The following ZC3H3 variants were observed in gnomAD, a reference collection of about 807,000 sequenced individuals.
The protein encoded by ZC3H3 is zinc finger CCCH domain-containing protein 3.
Under a neutral mutation model 77.3 loss-of-function variants are expected in ZC3H3, and 36 were observed. The observed-to-expected ratio is 0.47, with a 90% confidence interval of 0.36 to 0.61. ZC3H3 has a LOEUF of 0.61. ZC3H3 is among the 20% of genes least tolerant of loss of function. ZC3H3 has a pLI of 0.00. For missense variants in ZC3H3, 1,331 were observed against 1,312.2 expected (o/e 1.01, Z -0.22); for synonymous variants, 626 against 555.2 (o/e 1.13, Z -1.79).
At chr8:143,439,129 C>T (rs1819657913) in intron 11 of ZC3H3, among the ~76,000 whole-genome samples, 2 of 151,518 alleles carry the variant, frequency 1.3e-5, no homozygotes, top group South Asian at 2.1e-4. Context: ...AAATACAAGT[C>T]GCTGCCTCGG....
chr8:143,501,924 C>T (rs904871073), intron 4 of ZC3H3, among the ~76,000 whole-genome samples: 1 of 152,278 alleles, frequency 6.6e-6, no homozygotes, highest in African/African-American at 2.4e-5. Flanking sequence ...GATGCTGAAG[C>T]CCTGACCCCA....
intron 5 of ZC3H3, among the ~76,000 whole-genome samples, chr8:143,472,646 A>G (rs1820602829): frequency 6.6e-6 from 1 of 152,072 alleles, no homozygotes; most frequent in South Asian, 2.1e-4. Context: ...GGGATGGGAG[A>G]GCTGGGATGG....
chr8:143,463,733 G>A (rs1820331054), intron 9 of ZC3H3, among the ~76,000 whole-genome samples: 1 of 152,206 alleles, frequency 6.6e-6, no homozygotes, highest in Non-Finnish European at 1.5e-5. Flanking sequence ...CTACTGGGGA[G>A]GACTCTGCGT....
In ZC3H3 at chr8:143,460,330, G is replaced by A. The variant is rs902890883; in HGVS notation, c.2307+5387C>T. 6.6e-6 allele frequency among the ~76,000 whole-genome samples: 1 copy of A among 152,028 alleles called. No individual in the cohort carries two copies. Among genetic ancestry groups the A allele is most frequent in the African/African-American group, 2.4e-5 (1 of 41,394 alleles). ...TGAAAAGGAAGAAGTAAAATTATCT[G>A]TTTGCTGATGACATGATCTTATATG... On this transcript the variant is annotated intron_variant, in intron 9 of 11. Coordinates refer to ENST00000262577, the MANE Select transcript of ZC3H3 (RefSeq NM_015117.3). The surrounding 1 kb of genome is among the most constrained non-coding windows in gnomAD (Gnocchi z 4.0).
rs1209199700 is a variant in ZC3H3, at chr8:143,494,636, G to A, written c.1715+13110C>T. Among the ~76,000 whole-genome samples the A allele has an allele frequency of 6.6e-6, 1 of 152,162 alleles. No individual in the cohort carries two copies. The highest frequency in any genetic ancestry group is 1.5e-5 in the Non-Finnish European group (1 of 68,030). On this transcript the variant is annotated intron_variant, in intron 4 of 11. Transcript: ENST00000262577. This position sits in a 1 kb window ranked among gnomAD's most constrained non-coding sequence, Gnocchi z 5.3. The stretch of plus-strand genomic sequence containing the variant: ...GGAAGCGGCAGGTCGGGGGAGGGGG[G>A]TGCTGTGGGCAGACACACGAGGGGA...
chr8:143,478,915 A>G (rs1423057899), intron 4 of ZC3H3, among the ~76,000 whole-genome samples: 1 of 152,202 alleles, frequency 6.6e-6, no homozygotes, highest in African/African-American at 2.4e-5. Flanking sequence ...AGAGGACATT[A>G]GAGGATCTGG....
At chr8:143,463,635 CG>C (rs1385446913) in intron 9 of ZC3H3, among the ~76,000 whole-genome samples, 1 of 152,202 alleles carries the variant, frequency 6.6e-6, no homozygotes, top group Non-Finnish European at 1.5e-5. Flanking sequence ...CCCAGCAAGA[CG>C]TATCAGCCGG....
At position 143,437,894 on chromosome 8, in the gene ZC3H3, GTCATGGA is replaced by G; in HGVS notation, c.*155_*161del. The G allele has an allele frequency of 1.0e-6, 1 of 983,870 alleles. No individual in the cohort carries two copies. Among genetic ancestry groups the G allele is most frequent in the Non-Finnish European group, 1.5e-6 (1 of 649,316 alleles). The allele number at this position is 983,870 out of a possible 1,614,324, so 60.9% of individuals were successfully genotyped here. A position where few individuals can be genotyped will look rare whatever the true frequency, so the allele number is the denominator to read the frequency against. The stretch of plus-strand genomic sequence containing the variant: ...AAGACCAGGCCCTGCGCACACGCTG[GTCATGGA>G]AGGTTGAGGGCCAGGCAGGCAGAGC... On this transcript the variant is annotated 3_prime_UTR_variant, in exon 12 of 12. Transcript: ENST00000262577.
chr8:143,536,982 GCCT>G (rs1822820792), intron 2 of ZC3H3, among the ~76,000 whole-genome samples: 1 of 151,662 alleles, frequency 6.6e-6, no homozygotes, highest in Non-Finnish European at 1.5e-5. Context: ...GTGCCCATGC[GCCT>G]CAACACGGCA....
chr8:143,468,667 GGA>G lies in ZC3H3; in HGVS notation c.1904-10_1904-9del. ...CTGCAGGATCCAGCCGGCCTGTGGG[GGA>G]GAGAGGCACGGGTCATAGCAGGCCA... On this transcript the variant is annotated splice_polypyrimidine_tract_variant and intron_variant, in intron 5 of 11. Transcript: ENST00000262577. The G allele has an allele frequency of 1.9e-6, 3 of 1,549,118 alleles. No individual in the cohort carries two copies. The highest frequency in any genetic ancestry group is 2.6e-6 in the Non-Finnish European group (3 of 1,146,770).
intron 3 of ZC3H3, among the ~76,000 whole-genome samples, chr8:143,513,017 G>T (rs1324163616): frequency 6.6e-6 from 1 of 152,108 alleles, no homozygotes; most frequent in Non-Finnish European, 1.5e-5. Flanking sequence ...GGCTGCAAGA[G>T]GCGGGGACAG....
At chr8:143,469,861 T>C (rs370195200) in intron 5 of ZC3H3, among the ~76,000 whole-genome samples, 1 of 152,306 alleles carries the variant, frequency 6.6e-6, no homozygotes, top group African/African-American at 2.4e-5. Flanking sequence ...AGATCCAATT[T>C]CCTACAGGGC....
At chr8:143,439,342 G>A (rs1288730449) in intron 11 of ZC3H3, among the ~76,000 whole-genome samples, 2 of 152,174 alleles carry the variant, frequency 1.3e-5, no homozygotes, top group Admixed American at 6.5e-5. Context: ...TTCCATTAAC[G>A]TTACGACCGT....
intron 9 of ZC3H3, among the ~76,000 whole-genome samples, chr8:143,445,287 A>G (rs1819837204): frequency 6.6e-6 from 1 of 152,036 alleles, no homozygotes; most frequent in African/African-American, 2.4e-5. Flanking sequence ...AGATTGAGGC[A>G]GGAGAATTGC....
At chr8:143,509,089 G>C (rs2130426413) in intron 3 of ZC3H3, among the ~76,000 whole-genome samples, 1 of 152,132 alleles carries the variant, frequency 6.6e-6, no homozygotes, top group Middle Eastern at 3.4e-3. Flanking sequence ...CGTTCCCCCA[G>C]CACCATCCAA....
In ZC3H3 at chr8:143,536,262, T is replaced by G; in HGVS notation, c.1556A>C (p.Lys519Thr). The change falls in exon 3 of 12, where the codon AAG (lysine) becomes ACG (threonine). Residue 519 changes from lysine (K) to threonine (T), a missense_variant. Physicochemically the swap from Lys to Thr is moderately conservative, Grantham distance 78. Around this residue, in one of 3 missense-constraint regions of ZC3H3, gnomAD observed 978 missense variants for 915.5 expected, o/e 1.07. Transcript: ENST00000262577. ...CGCCCCTGCTCCCAGCATACCTTCC[T>G]TGGTGGGGAGGTGGGCCCGGCTCGG... is the stretch of plus-strand genomic sequence containing the variant. ...LPPSRAHLPTKEASSLHAVRT... is the reference protein window; with the variant it reads ...LPPSRAHLPTTEASSLHAVRT... 1 of 1,610,578 alleles carries G rather than the reference T, an allele frequency of 6.2e-7. No homozygotes were observed.
chr8:143,504,324 C>T lies in ZC3H3; in HGVS notation c.1715+3422G>A, dbSNP rs141648735. ...GAGCATCACAGCCAAGGGGAGGGGA[C>T]GGGAAAAGAGGGCAGGGGAGGTCCC... On this transcript the variant is annotated intron_variant, in intron 4 of 11. Transcript: ENST00000262577. 2.0e-4 allele frequency among the ~76,000 whole-genome samples: 30 copies of T among 152,128 alleles called. No homozygotes were observed. In the East Asian group the frequency reaches 3.7e-3, roughly 19 times the overall value.
At chr8:143,528,347 G>T (rs1019623452) in intron 3 of ZC3H3, among the ~76,000 whole-genome samples, 1 of 152,208 alleles carries the variant, frequency 6.6e-6, no homozygotes, top group Non-Finnish European at 1.5e-5. Flanking sequence ...TGGGGCCAGC[G>T]GCCACGCCTC....
At chr8:143,507,597 G>T in intron 4 of ZC3H3, 149 bp downstream of exon 4, 1 of 961,354 alleles carries the variant, frequency 1.0e-6, no homozygotes, top group Non-Finnish European at 1.4e-6. Context: ...AGAAAAATCA[G>T]GCTGGTCCCC....
Sources: allele counts gnomAD v4.1 joint callset (sites outside exome capture counted in the v4.1 genomes callset), GRCh38; gene constraint gnomAD v4.1.1; regional missense constraint gnomAD v4.1.1; non-coding constraint Gnocchi (gnomAD v3.1); transcripts MANE v1.5; gene names NCBI Gene and HGNC (gene_info 2026-07-23, HGNC 2026-07-21).